R3HDM1: variants seen among roughly 807,000 people sequenced by gnomAD.
The protein encoded by R3HDM1 is R3H domain-containing protein 1.
In R3HDM1, 46 loss-of-function variants were observed where a neutral mutation model predicts 141.1. The ratio of observed to expected loss-of-function variants is 0.33; its 90% CI spans 0.26 to 0.42. The LOEUF is 0.42. Ranked by LOEUF, R3HDM1 falls within the 10% of genes least tolerant of loss-of-function variation. R3HDM1 has a pLI of 1.00. For missense variants in R3HDM1, 1,184 were observed against 1,368.3 expected, an observed-to-expected ratio of 0.87 and a Z score of 2.12; for synonymous variants, 435 against 472.9, an observed-to-expected ratio of 0.92 and a Z score of 1.04.
intron 19 of R3HDM1, among the ~76,000 whole-genome samples, chr2:135,665,675 C>CT (rs1346372203): frequency 6.6e-6 from 1 of 152,134 alleles, no homozygotes; most frequent in African/African-American, 2.4e-5. Context: ...AAAGCTATTG[C>CT]TTATTTCTTT....
chr2:135,566,999 C>A (rs1053478011), intron 1 of R3HDM1, among the ~76,000 whole-genome samples: 16 of 151,806 alleles, frequency 1.1e-4, no homozygotes, highest in Admixed American at 4.6e-4. Flanking sequence ...AAGTAGACCC[C>A]AGCGAGATGC....
At chr2:135,658,465 C>A (rs2066217439) in intron 18 of R3HDM1, among the ~76,000 whole-genome samples, 1 of 152,130 alleles carries the variant, frequency 6.6e-6, no homozygotes, top group Admixed American at 6.6e-5. Flanking sequence ...CTGTGCCCGG[C>A]CAAAAGATTT....
chr2:135,632,450 C>T (rs2062812506), intron 9 of R3HDM1, among the ~76,000 whole-genome samples: 1 of 152,120 alleles, frequency 6.6e-6, no homozygotes, highest in South Asian at 2.1e-4. Context: ...CCTTTTCTCT[C>T]ACAATTCTTA....
intron 18 of R3HDM1, among the ~76,000 whole-genome samples, chr2:135,653,131 G>A (rs1033540558): frequency 4.0e-5 from 6 of 151,514 alleles, no homozygotes; most frequent in Admixed American, 1.3e-4. Context: ...TGAGGCAGGC[G>A]AATCACTTGA....
At chr2:135,614,321 G>A (rs2060817179) in intron 3 of R3HDM1, among the ~76,000 whole-genome samples, 1 of 152,052 alleles carries the variant, frequency 6.6e-6, no homozygotes, top group Non-Finnish European at 1.5e-5. Context: ...ATTAGCATTT[G>A]TTAGATTAAG....
chr2:135,606,368 G>A (rs1448440969), intron 3 of R3HDM1: 1 of 152,100 alleles, frequency 6.6e-6, no homozygotes, highest in Non-Finnish European at 1.5e-5. Context: ...ATCTTCTTTT[G>A]ATGACATAAG....
intron 11 of R3HDM1, among the ~76,000 whole-genome samples, chr2:135,637,376 C>T (rs1460456058): frequency 1.3e-5 from 2 of 152,064 alleles, no homozygotes; most frequent in African/African-American, 4.8e-5. Context: ...AAGAGGAGGC[C>T]AGGCACAGTG....
chr2:135,548,756 T>C (rs1425208359), intron 1 of R3HDM1, among the ~76,000 whole-genome samples: 1 of 152,262 alleles, frequency 6.6e-6, no homozygotes, highest in African/African-American at 2.4e-5. Context: ...ATATCCTTTT[T>C]ATTACAGAAT....
chr2:135,586,014 A>G (rs1443033305), intron 1 of R3HDM1, among the ~76,000 whole-genome samples: 2 of 152,224 alleles, frequency 1.3e-5, no homozygotes, highest in South Asian at 2.1e-4. Context: ...AGAGTAATTT[A>G]AAAATGATAT....
intron 21 of R3HDM1, among the ~76,000 whole-genome samples, chr2:135,690,629 A>G (rs1016128260): frequency 3.3e-5 from 5 of 152,224 alleles, no homozygotes; most frequent in African/African-American, 9.6e-5. Context: ...AAGGAATAAA[A>G]TGTAAAAGAA....
rs368371230 is a variant in R3HDM1 at position 135,603,405 on chromosome 2, C to T, written c.-41+697C>T. Among the ~76,000 whole-genome samples the T allele has an allele frequency of 3.3e-5, 5 of 152,184 alleles. No homozygotes were observed. In the South Asian group the frequency reaches 8.3e-4, roughly 25 times the overall value. On this transcript the variant is annotated intron_variant, in intron 2 of 26. Coordinates refer to ENST00000683871, the MANE Select transcript of R3HDM1 (RefSeq NM_001378107.1). The stretch of plus-strand genomic sequence containing the variant: ...TCCCCCCCGCCACAAGATTTTATTA[C>T]GAAAATTTTCAGAAATATAGAAAAG...
intron 17 of R3HDM1, chr2:135,650,902 G>A (rs956214554): frequency 4.4e-5 from 43 of 985,204 alleles, no homozygotes; most frequent in Non-Finnish European, 4.9e-5. Flanking sequence ...TTAACAAAAT[G>A]TGGTATATTT....
intron 21 of R3HDM1, among the ~76,000 whole-genome samples, chr2:135,699,506 C>T (rs749940408): frequency 3.3e-5 from 5 of 150,728 alleles, no homozygotes; most frequent in Non-Finnish European, 7.4e-5. Context: ...TAAACGAGGA[C>T]AAGGAGAGTA....
intron 1 of R3HDM1, among the ~76,000 whole-genome samples, chr2:135,561,937 T>C (rs2104962342): frequency 6.6e-6 from 1 of 152,310 alleles, no homozygotes; most frequent in East Asian, 1.9e-4. Flanking sequence ...ATTTCTCTCC[T>C]GTACTGTGAA....
intron 19 of R3HDM1, among the ~76,000 whole-genome samples, chr2:135,671,772 T>C (rs2068389706): frequency 6.6e-6 from 1 of 151,806 alleles, no homozygotes; most frequent in Non-Finnish European, 1.5e-5. Context: ...AGTCAGGAGT[T>C]TGAGACCAGC....
At chr2:135,645,610 A>G in intron 16 of R3HDM1, 83 bp downstream of exon 16, 1 of 1,472,720 alleles carries the variant, frequency 6.8e-7, no homozygotes, top group South Asian at 1.3e-5. Flanking sequence ...TAATTGAGAT[A>G]GCCTAAGTAT....
At chr2:135,634,035 CAT>C (rs932210068) in intron 9 of R3HDM1, among the ~76,000 whole-genome samples, 24 of 152,230 alleles carry the variant, frequency 1.6e-4, no homozygotes, top group African/African-American at 4.3e-4. Context: ...ATGGGGCAAT[CAT>C]GTGACAAAAA....
intron 16 of R3HDM1, among the ~76,000 whole-genome samples, chr2:135,645,804 A>G (rs1381512433): frequency 1.3e-5 from 2 of 152,210 alleles, no homozygotes; most frequent in African/African-American, 4.8e-5. Flanking sequence ...CAAGAAATGG[A>G]CAACAGGAGA....
At chr2:135,565,650 CTTGATAGTAATTAT>C (rs1702619247) in intron 1 of R3HDM1, 1 of 151,834 alleles carries the variant, frequency 6.6e-6, no homozygotes, top group Non-Finnish European at 1.5e-5. Context: ...AAAAATATAA[CTTGATAGTAATTAT>C]TAAATCTTAA....
Sources: gnomAD v4.1 joint callset for allele counts (sites outside exome capture counted in the v4.1 genomes callset) on GRCh38, gnomAD v4.1.1 for gene constraint, MANE v1.5 for transcripts, NCBI Gene and HGNC (gene_info 2026-07-23, HGNC 2026-07-21) for gene names.